The following TMEM178B variants were observed in gnomAD, a reference collection of about 807,000 sequenced individuals.
TMEM178B encodes the protein transmembrane protein 178B.
Under a neutral mutation model 31.0 loss-of-function variants are expected in TMEM178B, and 5 were observed. The observed-to-expected ratio is 0.16, with a 90% CI of 0.08 to 0.34. The LOEUF (loss-of-function observed/expected upper bound fraction) is 0.34. Among genes scored for constraint, TMEM178B ranks in the 10% least tolerant of loss-of-function variants. TMEM178B has a pLI of 1.00. For missense variants in TMEM178B, 275 were observed against 400.3 expected (o/e 0.69, Z 2.67); for synonymous variants, 164 against 164.0 (o/e 1.00, Z 0.00).
At chr7:141,456,560 G>A (rs554731978) in intron 3 of TMEM178B, among the ~76,000 whole-genome samples, 27 of 152,234 alleles carry the variant, frequency 1.8e-4, no homozygotes, top group African/African-American at 5.8e-4. Context: ...GGAGTGATGC[G>A]GCTTTCTTTG....
chr7:141,292,084 C>G (rs1056648428), intron 2 of TMEM178B, among the ~76,000 whole-genome samples: 11 of 152,150 alleles, frequency 7.2e-5, no homozygotes, highest in Non-Finnish European at 1.5e-4. Context: ...GAGGGAGCTC[C>G]AAGCACCAAG....
intron 3 of TMEM178B, among the ~76,000 whole-genome samples, chr7:141,450,989 A>G (rs1801852657): frequency 6.6e-6 from 1 of 152,172 alleles, no homozygotes; most frequent in African/African-American, 2.4e-5. Context: ...CCTGCGGTAA[A>G]GGGACAGGCC....
At chr7:141,315,951 C>T (rs765646339) in intron 2 of TMEM178B, among the ~76,000 whole-genome samples, 10 of 152,142 alleles carry the variant, frequency 6.6e-5, no homozygotes, top group Non-Finnish European at 1.2e-4. Flanking sequence ...TGCTGTTTAT[C>T]GTTTATGAGC....
chr7:141,280,397 G>A (rs1403508187), intron 2 of TMEM178B, among the ~76,000 whole-genome samples: 1 of 151,998 alleles, frequency 6.6e-6, no homozygotes, highest in Non-Finnish European at 1.5e-5. Context: ...AGAATCATGG[G>A]GGTGGTTTCC....
intron 2 of TMEM178B, among the ~76,000 whole-genome samples, chr7:141,380,311 T>A (rs1463751187): frequency 6.6e-6 from 1 of 152,196 alleles, no homozygotes; most frequent in African/African-American, 2.4e-5. Flanking sequence ...ATTCTGTTAT[T>A]TTTGTGAAGA....
At chr7:141,292,554 A>C (rs1285116446) in intron 2 of TMEM178B, among the ~76,000 whole-genome samples, 2 of 151,800 alleles carry the variant, frequency 1.3e-5, no homozygotes, top group Non-Finnish European at 2.9e-5. Context: ...TCGCATCACT[A>C]ATGAACCAAT....
At chr7:141,323,945 A>G (rs545375865) in intron 2 of TMEM178B, among the ~76,000 whole-genome samples, 13 of 152,200 alleles carry the variant, frequency 8.5e-5, no homozygotes, top group African/African-American at 2.6e-4. Flanking sequence ...GACAGGAGGA[A>G]ACTAGCCATG....
At chr7:141,337,836 G>T (rs1225612509) in intron 2 of TMEM178B, among the ~76,000 whole-genome samples, 1 of 152,098 alleles carries the variant, frequency 6.6e-6, no homozygotes, top group African/African-American at 2.4e-5. Context: ...AGCATAAAAT[G>T]GTTTGATTTT....
chr7:141,217,756 T>A lies in TMEM178B; in HGVS notation c.496+5052T>A, dbSNP rs6959814. Among the ~76,000 whole-genome samples the A allele has an allele frequency of 3.3e-5, 5 of 151,800 alleles. 1 individual carries two copies. Among genetic ancestry groups the A allele is most frequent in the African/African-American group, 1.2e-4 (5 of 41,364 alleles). On this transcript the variant is annotated intron_variant, in intron 2 of 3. Transcript: ENST00000565468. ...TAAGGTTCCCTCAGGGTCAGATCCC[T>A]GAGACGCGGACTCACTGTGACGTGA...
intron 2 of TMEM178B, among the ~76,000 whole-genome samples, chr7:141,257,825 A>T (rs1221015095): frequency 6.6e-6 from 1 of 151,964 alleles, no homozygotes; most frequent in Non-Finnish European, 1.5e-5. Flanking sequence ...ATCCATTCAC[A>T]TTTCATGTAA....
intron 1 of TMEM178B, among the ~76,000 whole-genome samples, chr7:141,148,805 G>A (rs919373062): frequency 5.9e-5 from 9 of 152,208 alleles, no homozygotes; most frequent in African/African-American, 1.7e-4. Context: ...ATTAAGAAAG[G>A]TGTGAGAAGA....
chr7:141,367,762 G>C (rs1261378050), intron 2 of TMEM178B, among the ~76,000 whole-genome samples: 1 of 152,164 alleles, frequency 6.6e-6, no homozygotes, highest in East Asian at 1.9e-4. Flanking sequence ...GGAAGCAGAG[G>C]GAGGAGACTG....
At chr7:141,496,978 G>A in the TMEM178B span, among the ~76,000 whole-genome samples, 1 of 152,056 alleles carries the variant, frequency 6.6e-6, no homozygotes, top group Non-Finnish European at 1.5e-5. Context: ...TTCACATACA[G>A]GCTGAAAACA....
intron 2 of TMEM178B, among the ~76,000 whole-genome samples, chr7:141,245,524 T>A (rs913925633): frequency 6.6e-6 from 1 of 152,230 alleles, no homozygotes; most frequent in Admixed American, 6.5e-5. Flanking sequence ...TCTCCGATAG[T>A]CTGTTGAGTT....
chr7:141,130,226 G>C (rs916824524), intron 1 of TMEM178B, among the ~76,000 whole-genome samples: 4 of 152,152 alleles, frequency 2.6e-5, no homozygotes, highest in African/African-American at 9.7e-5. Flanking sequence ...ATGTTTTGGG[G>C]TAAAATATGT....
intron 2 of TMEM178B, among the ~76,000 whole-genome samples, chr7:141,222,029 G>A (rs576272904): frequency 6.6e-6 from 1 of 152,316 alleles, no homozygotes; most frequent in South Asian, 2.1e-4. Context: ...CATTGGTGTG[G>A]ATCGTAGTGG....
chr7:141,457,586 T>A (rs1246137726), intron 3 of TMEM178B, among the ~76,000 whole-genome samples: 1 of 152,162 alleles, frequency 6.6e-6, no homozygotes. Flanking sequence ...AAGGAGTGTA[T>A]GCTATGTAGA....
chr7:141,398,410 G>A (rs946843910), intron 2 of TMEM178B, among the ~76,000 whole-genome samples: 5 of 152,172 alleles, frequency 3.3e-5, no homozygotes, highest in Non-Finnish European at 4.4e-5. Flanking sequence ...ATGCCTTGGA[G>A]TCTGGGGAAT....
At chr7:141,508,000 C>G in the TMEM178B span, among the ~76,000 whole-genome samples, 1 of 152,234 alleles carries the variant, frequency 6.6e-6, no homozygotes, top group Non-Finnish European at 1.5e-5. Flanking sequence ...ATGCAAATTT[C>G]TGCAGCCCGC....
Sources: gnomAD v4.1 joint callset for allele counts (sites outside exome capture counted in the v4.1 genomes callset) on GRCh38, gnomAD v4.1.1 for gene constraint, MANE v1.5 for transcripts, NCBI Gene and HGNC (gene_info 2026-07-23, HGNC 2026-07-21) for gene names.